The following STAT5B variants were observed in gnomAD, a reference collection of about 807,000 sequenced individuals.
STAT5B encodes signal transducer and activator of transcription 5B, also known as transcription factor STAT5B.
In STAT5B, 21 loss-of-function variants were observed where a neutral mutation model predicts 107.8. That is an observed-to-expected ratio of 0.19 (90% CI 0.14 to 0.28). The LOEUF (loss-of-function observed/expected upper bound fraction) is 0.28, where lower values mean the gene tolerates loss of function less well. Ranked by LOEUF, STAT5B falls within the 10% of genes least tolerant of loss-of-function variation. The probability of loss-of-function intolerance (pLI) is 1.00; values close to 1 mark genes in which losing one functional copy is unlikely to be tolerated. For synonymous variants in STAT5B, 325 were observed against 401.7 expected (o/e 0.81, Z 2.28); for missense variants, 565 against 1,008.2 (o/e 0.56, Z 5.95).
chr17:42,223,347 C>T (rs1461418254), intron 5 of STAT5B, 35 bp downstream of exon 5: 3 of 1,613,916 alleles, frequency 1.9e-6, no homozygotes, highest in African/African-American at 1.3e-5. Flanking sequence ...AGGCCCAATC[C>T]TCAAGTTGCA....
intron 15 of STAT5B, among the ~76,000 whole-genome samples, chr17:42,209,415 G>A (rs1567655631): frequency 6.6e-6 from 1 of 152,166 alleles, no homozygotes; most frequent in Non-Finnish European, 1.5e-5. Flanking sequence ...TTATTGTGAG[G>A]GTCAGAGGAG....
At chr17:42,249,698 T>TCACC (rs1000763711) in intron 1 of STAT5B, among the ~76,000 whole-genome samples, 1 of 152,094 alleles carries the variant, frequency 6.6e-6, no homozygotes, top group Admixed American at 6.6e-5. Flanking sequence ...TCTCACCCTG[T>TCACC]CACCCATGCT....
intron 1 of STAT5B, among the ~76,000 whole-genome samples, chr17:42,243,955 A>G (rs2144335047): frequency 1.3e-5 from 2 of 152,336 alleles, no homozygotes; most frequent in South Asian, 4.1e-4. Context: ...CTACATCTGT[A>G]TCACTTTCCA....
chr17:42,273,159 G>C (rs571668033), intron 1 of STAT5B, among the ~76,000 whole-genome samples: 63 of 152,042 alleles, frequency 4.1e-4, no homozygotes, highest in African/African-American at 1.5e-3. Context: ...AGATTGTTAA[G>C]TTTGACTTTC....
chr17:42,214,937 G>A (rs2080158952), intron 12 of STAT5B, among the ~76,000 whole-genome samples: 2 of 152,088 alleles, frequency 1.3e-5, no homozygotes, highest in South Asian at 4.2e-4. Flanking sequence ...ATTTTTTGTA[G>A]AGACAGGATT....
chr17:42,208,261 G>A (rs572510927), intron 15 of STAT5B, among the ~76,000 whole-genome samples: 1 of 152,042 alleles, frequency 6.6e-6, no homozygotes, highest in Admixed American at 6.5e-5. Context: ...CACACTTTTG[G>A]AGGCCTAGGC....
At chr17:42,206,167 A>AATTCTCCTGCCTCCCTGGTTCAAGCG (rs2080083479) in intron 16 of STAT5B, among the ~76,000 whole-genome samples, 5 of 152,002 alleles carry the variant, frequency 3.3e-5, no homozygotes, top group Non-Finnish European at 7.4e-5. Flanking sequence ...TGGTTCAAGC[A>AATTCTCCTGCCTCCCTGGTTCAAGCG]ATTCTCCTGC....
At chr17:42,282,307 A>T in the STAT5B span, among the ~76,000 whole-genome samples, 1 of 151,946 alleles carries the variant, frequency 6.6e-6, no homozygotes, top group East Asian at 1.9e-4. Context: ...GAGCACCTAC[A>T]ATGCACCAGC....
intron 1 of STAT5B, among the ~76,000 whole-genome samples, chr17:42,239,852 G>A (rs139970175): frequency 6.6e-6 from 1 of 152,356 alleles, no homozygotes; most frequent in Non-Finnish European, 1.5e-5. Context: ...CAGGCCAGGT[G>A]CAGTGGCTCA....
chr17:42,246,133 A>T (rs1293983305), intron 1 of STAT5B, among the ~76,000 whole-genome samples: 1 of 152,236 alleles, frequency 6.6e-6, no homozygotes, highest in East Asian at 1.9e-4. Flanking sequence ...AATTGTGTTT[A>T]AAATGTAAAA....
intron 1 of STAT5B, chr17:42,272,291 G>C (rs1483370763): frequency 6.6e-6 from 1 of 152,118 alleles, no homozygotes; most frequent in Non-Finnish European, 1.5e-5. Context: ...GCTTTTAAGC[G>C]AGTCCAGAAA....
rs561324361 is a variant in STAT5B at position 42,248,253 on chromosome 17, T to C, written c.-10-16116A>G. Among the ~76,000 whole-genome samples the C allele has an allele frequency of 3.2e-3, 413 of 131,108 alleles. 4 individuals are homozygous for C. The highest frequency in any genetic ancestry group is 0.012 in the African/African-American group (389 of 33,744). The allele number at this position is 131,108 out of a possible 152,430, so 86.0% of individuals were successfully genotyped here. On this transcript the variant is annotated intron_variant, in intron 1 of 18. Transcript: ENST00000293328. ...TTGTGTCGCTGCACTCCAGCCTGGG[T>C]GACATTGTAAGATCTTGTCCAAAAA...
intron 1 of STAT5B, among the ~76,000 whole-genome samples, chr17:42,238,954 AAG>A (rs1050761953): frequency 1.3e-5 from 2 of 151,676 alleles, no homozygotes; most frequent in African/African-American, 2.4e-5. Context: ...TTAAAAAAAA[AAG>A]AAAAAAGAAG....
intron 1 of STAT5B, chr17:42,235,016 ATG>A (rs1206959136): frequency 1.3e-5 from 2 of 152,226 alleles, no homozygotes; most frequent in African/African-American, 4.8e-5. Flanking sequence ...CTCAATGAAT[ATG>A]TGAGTGATAC....
intron 5 of STAT5B, among the ~76,000 whole-genome samples, chr17:42,222,985 G>C (rs527274733): frequency 6.6e-6 from 1 of 152,014 alleles, no homozygotes; most frequent in Non-Finnish European, 1.5e-5. Flanking sequence ...TGCCCAGCCA[G>C]AAAAATTTTT....
intron 15 of STAT5B, 97 bp from the exon 16 acceptor site, chr17:42,207,825 A>T: frequency 8.1e-7 from 1 of 1,231,538 alleles, no homozygotes; most frequent in Non-Finnish European, 1.2e-6. Flanking sequence ...TTGCCATTAT[A>T]ATGGCTCCAA....
At chr17:42,205,504 C>T (rs1357479559) in intron 16 of STAT5B, among the ~76,000 whole-genome samples, 2 of 152,174 alleles carry the variant, frequency 1.3e-5, no homozygotes, top group African/African-American at 4.8e-5. Flanking sequence ...CTGAGGCTTT[C>T]CAGACATGGC....
chr17:42,275,409 TTTC>T (rs1440303775), intron 1 of STAT5B: 12 of 152,206 alleles, frequency 7.9e-5, no homozygotes, highest in African/African-American at 2.9e-4. Flanking sequence ...GACACTTGGT[TTTC>T]TTCTTTGGCT....
rs138605388 is a variant in STAT5B, at chr17:42,227,517, G to A, written c.285+12C>T. On this transcript the variant is annotated intron_variant, in intron 3 of 18. Coordinates refer to ENST00000293328, the MANE Select transcript of STAT5B (RefSeq NM_012448.4). ...GAAGGTAATTAAGTGTGACCCCAGA[G>A]CCCACACCCACCTGGAGCTGTGTGG... 844 of 1,612,846 alleles carry A rather than the reference G, an allele frequency of 5.2e-4. 8 individuals carry two copies. In the African/African-American group the frequency reaches 1.0e-2, roughly 19 times the overall value.
Sources: allele counts gnomAD v4.1 joint callset (sites outside exome capture counted in the v4.1 genomes callset), GRCh38; gene constraint gnomAD v4.1.1; transcripts MANE v1.5; gene names NCBI Gene and HGNC (gene_info 2026-07-23, HGNC 2026-07-21).